TMEM131L: variants seen among roughly 807,000 people sequenced by gnomAD.
TMEM131L encodes transmembrane 131 like.
Under a neutral mutation model 192.2 loss-of-function variants are expected in TMEM131L, and 54 were observed. That is an observed-to-expected ratio of 0.28 (90% CI 0.23 to 0.35). The LOEUF (loss-of-function observed/expected upper bound fraction) is 0.35, where lower values mean the gene tolerates loss of function less well. Among genes scored for constraint, TMEM131L ranks in the 10% least tolerant of loss-of-function variants. The probability of loss-of-function intolerance (pLI) is 1.00; values close to 1 mark genes in which losing one functional copy is unlikely to be tolerated. For synonymous variants in TMEM131L, 701 were observed against 704.9 expected (o/e 0.99, Z 0.09); for missense variants, 1,888 against 1,972.9 (o/e 0.96, Z 0.82).
intron 7 of TMEM131L, among the ~76,000 whole-genome samples, chr4:153,576,255 C>T (rs1371408777): frequency 6.6e-6 from 1 of 152,114 alleles, no homozygotes; most frequent in Admixed American, 6.6e-5. Flanking sequence ...CCACCGCGCC[C>T]GGCCCAATTG....
intron 3 of TMEM131L, among the ~76,000 whole-genome samples, chr4:153,497,778 T>C (rs1049633336): frequency 6.7e-6 from 1 of 149,928 alleles, no homozygotes; most frequent in Non-Finnish European, 1.5e-5. Context: ...CTTTTTATCA[T>C]AGACTATACT....
At chr4:153,583,729 C>T (rs1730519675) in intron 11 of TMEM131L, 57 bp downstream of exon 11, 2 of 988,100 alleles carry the variant, frequency 2.0e-6, no homozygotes. Context: ...GTCATGATGG[C>T]AACTCTTTCT....
At chr4:153,502,246 A>G (rs1190037990) in intron 3 of TMEM131L, among the ~76,000 whole-genome samples, 1 of 152,142 alleles carries the variant, frequency 6.6e-6, no homozygotes, top group East Asian at 1.9e-4. Flanking sequence ...GGCTGTCCCA[A>G]ACTTGTATAT....
intron 26 of TMEM131L, among the ~76,000 whole-genome samples, chr4:153,616,530 C>T (rs1732988398): frequency 6.6e-6 from 1 of 152,080 alleles, no homozygotes; most frequent in Admixed American, 6.5e-5. Flanking sequence ...AGGTTGAAGC[C>T]CAGGTTTGGA....
chr4:153,618,476 C>CAA (rs10669791), intron 26 of TMEM131L, among the ~76,000 whole-genome samples: 58,511 of 98,816 alleles, frequency 0.59, 16,076 homozygotes, highest in Non-Finnish European at 0.64. Context: ...ACCCTGTCTC[C>CAA]AAAAAAAAAA....
At chr4:153,514,678 G>T (rs1296082475) in intron 3 of TMEM131L, among the ~76,000 whole-genome samples, 1 of 152,050 alleles carries the variant, frequency 6.6e-6, no homozygotes, top group African/African-American at 2.4e-5. Flanking sequence ...GCTGGTAAGT[G>T]TAATGCCTGT....
intron 3 of TMEM131L, among the ~76,000 whole-genome samples, chr4:153,494,483 T>C (rs781775820): frequency 3.9e-5 from 6 of 152,204 alleles, no homozygotes; most frequent in Admixed American, 1.3e-4. Flanking sequence ...CATTTGCTAA[T>C]GAGATTGTAT....
chr4:153,519,011 T>G (rs1041216114), intron 3 of TMEM131L, among the ~76,000 whole-genome samples: 3 of 152,172 alleles, frequency 2.0e-5, no homozygotes, highest in Admixed American at 1.3e-4. Flanking sequence ...ACATTTGCTG[T>G]GATCAGTTTG....
At chr4:153,618,546 G>A (rs539080205) in intron 26 of TMEM131L, among the ~76,000 whole-genome samples, 2 of 150,028 alleles carry the variant, frequency 1.3e-5, no homozygotes, top group East Asian at 3.9e-4. Context: ...CGATAACTAA[G>A]TCTCATTTAA....
intron 25 of TMEM131L, among the ~76,000 whole-genome samples, chr4:153,606,684 A>G (rs925553360): frequency 6.6e-6 from 1 of 152,226 alleles, no homozygotes; most frequent in Non-Finnish European, 1.5e-5. Flanking sequence ...CTTCCTGTAC[A>G]GATTACTAGT....
At chr4:153,543,695 G>A (rs776450680) in intron 3 of TMEM131L, among the ~76,000 whole-genome samples, 18 of 152,222 alleles carry the variant, frequency 1.2e-4, no homozygotes, top group Non-Finnish European at 2.1e-4. Context: ...GGTAGCAGCT[G>A]GGTCTTAGAA....
At chr4:153,615,243 T>C (rs1306277429) in intron 26 of TMEM131L, among the ~76,000 whole-genome samples, 1 of 152,218 alleles carries the variant, frequency 6.6e-6, no homozygotes, top group East Asian at 1.9e-4. Flanking sequence ...TGGCAGCACT[T>C]ACAAAGTATT....
At chr4:153,564,287 C>CAAA (rs1178320668) in intron 7 of TMEM131L, among the ~76,000 whole-genome samples, 19 of 17,628 alleles carry the variant, frequency 1.1e-3, no homozygotes, top group Admixed American at 2.1e-3. Flanking sequence ...AACTCCGTCT[C>CAAA]AAAAAAAAAA....
rs1053021418 is a variant in TMEM131L at position 153,601,949 on chromosome 4, A to G, written c.2267-203A>G. 1.4e-5 allele frequency: 5 copies of G among 352,236 alleles called. No individual in the cohort carries two copies. In the East Asian group the frequency reaches 1.9e-4, roughly 13 times the overall value. 21.8% of individuals were successfully genotyped at this position (352,236 alleles called of 1,614,324 possible). On this transcript the variant is annotated intron_variant, in intron 21 of 34. Coordinates refer to ENST00000409959, the MANE Select transcript of TMEM131L (RefSeq NM_001131007.2). Reference sequence around the variant, plus strand: ...TAAGAAAAGTCTTGCCTACTTAAGTATCTCTGTTATATCCTAGAACAGAAT... The same window carrying G: ...TAAGAAAAGTCTTGCCTACTTAAGTGTCTCTGTTATATCCTAGAACAGAAT...
At chr4:153,608,903 G>C (rs944830325) in intron 25 of TMEM131L, among the ~76,000 whole-genome samples, 3 of 152,134 alleles carry the variant, frequency 2.0e-5, no homozygotes, top group South Asian at 2.1e-4. Flanking sequence ...TATGCATCTT[G>C]ATGAGTTTGG....
intron 9 of TMEM131L, among the ~76,000 whole-genome samples, chr4:153,582,430 GTTGTTTTTTT>G (rs1435808081): frequency 4.4e-4 from 17 of 38,508 alleles, no homozygotes; most frequent in African/African-American, 2.6e-3. Context: ...GTTTTTTTTT[GTTGTTTTTTT>G]TTTTTTTTTT....
Position 153,583,252 on chromosome 4 carries a change from A to T in TMEM131L, c.951+4A>T. On this transcript the variant is annotated splice_donor_region_variant and intron_variant, in intron 10 of 34. Transcript: ENST00000409959. ...AAACAGCCTTATATGGATACAGGTA[A>T]TTGTAAATGCTTACCTAAAGTAACT... The T allele has an allele frequency of 7.4e-7, 1 of 1,346,792 alleles. No homozygotes were observed. Among genetic ancestry groups the T allele is most frequent in the Non-Finnish European group, 1.1e-6 (1 of 937,692 alleles). 83.4% of individuals were successfully genotyped at this position (1,346,792 alleles called of 1,614,324 possible).
intron 14 of TMEM131L, 49 bp downstream of exon 14, chr4:153,586,428 T>G: frequency 7.2e-7 from 1 of 1,384,922 alleles, no homozygotes; most frequent in South Asian, 1.4e-5. Flanking sequence ...TAATTACTGT[T>G]GCTTTTTATT....
chr4:153,603,278 T>C (rs1244960563), intron 23 of TMEM131L, 25 bp from the exon 24 acceptor site: 1 of 1,608,826 alleles, frequency 6.2e-7, no homozygotes, highest in South Asian at 1.1e-5. Context: ...CATGCAATAC[T>C]GAACCTTGTT....
Sources: allele counts gnomAD v4.1 joint callset (sites outside exome capture counted in the v4.1 genomes callset), GRCh38; gene constraint gnomAD v4.1.1; transcripts MANE v1.5; gene names NCBI Gene and HGNC (gene_info 2026-07-23, HGNC 2026-07-21).